The following CA5A variants were observed in gnomAD, a reference collection of about 807,000 sequenced individuals.
CA5A encodes the protein carbonic anhydrase 5A, mitochondrial.
CA5A carries 28 observed loss-of-function variants against 37.1 expected under a neutral mutation model. The observed-to-expected ratio is 0.75, with a 90% CI of 0.56 to 1.03. The LOEUF is 1.03. Among genes scored for constraint, CA5A ranks in the 50% least tolerant of loss-of-function variants. The pLI, the probability that CA5A is intolerant of heterozygous loss-of-function variation, is 0.00. For synonymous variants in CA5A, 171 were observed against 158.4 expected (o/e 1.08, Z -0.60); for missense variants, 444 against 399.9 (o/e 1.11, Z -0.94).
chr16:87,923,565 CT>C (rs1215566110), intron 2 of CA5A: 2 of 985,424 alleles, frequency 2.0e-6, no homozygotes, highest in African/African-American at 3.5e-5. Flanking sequence ...CTGGGGCCCC[CT>C]GTTCCCCACT....
chr16:87,929,696 C>A (rs1176083026), intron 1 of CA5A, among the ~76,000 whole-genome samples: 4 of 151,588 alleles, frequency 2.6e-5, no homozygotes, highest in South Asian at 2.1e-4. Context: ...CACCGTGAAA[C>A]CCGGTCTCTA....
At chr16:87,903,781 T>G (rs113980358) in intron 3 of CA5A, among the ~76,000 whole-genome samples, 1,636 of 152,148 alleles carry the variant, frequency 0.011, 29 homozygotes, top group African/African-American at 0.038. Context: ...CATCAAAAAG[T>G]TAGGTGAGTG....
At chr16:87,890,336 C>T (rs2055695133) in intron 6 of CA5A, among the ~76,000 whole-genome samples, 1 of 152,172 alleles carries the variant, frequency 6.6e-6, no homozygotes, top group South Asian at 2.1e-4. Context: ...AAGGGCCTTG[C>T]TGACAAGGGG....
At position 87,888,239 on chromosome 16, in the gene CA5A, G is replaced by A. The variant is rs1214949213; in HGVS notation, c.808C>T (p.Leu270Phe). Residue 270 changes from leucine (L) to phenylalanine (F), a missense_variant, in exon 7 of 7, where the codon CTT becomes TTT. By Grantham distance (22) the Leu-to-Phe change is conservative (BLOSUM62 0). Coordinates refer to ENST00000649794, the MANE Select transcript of CA5A (RefSeq NM_001739.2). ...SAFRTLLFSA[L>F]GEEEKMMVNN... The stretch of plus-strand genomic sequence containing the variant: ...ACCATCATCTTCTCCTCTTCACCAA[G>A]TGCAGAAAACAGGAGAGTACGAAAT... The A allele has an allele frequency of 3.7e-6, 6 of 1,613,768 alleles. No individual in the cohort carries two copies. The highest frequency in any genetic ancestry group is 3.3e-5 in the South Asian group (3 of 91,068).
rs747371774 is a variant in CA5A, at chr16:87,891,930, A to T, written c.643T>A (p.Phe215Ile). 9.0e-6 allele frequency: 14 copies of T among 1,556,998 alleles called. No homozygotes were observed. Among genetic ancestry groups the T allele is most frequent in the Middle Eastern group, 1.8e-4 (1 of 5,632 alleles). Residue 215 changes from phenylalanine to isoleucine, a missense_variant, in exon 6 of 7, where the codon TTC (phenylalanine) becomes ATC (isoleucine). By Grantham distance (21) the Phe-to-Ile change is conservative. Transcript: ENST00000649794. ...GTGGGCAGCAGAGTGGAGGGGTCGAAGGGGCGCATGGCCGCCCGCGCGTCC... is the reference window on the plus strand; with the variant it reads ...GTGGGCAGCAGAGTGGAGGGGTCGATGGGGCGCATGGCCGCCCGCGCGTCC... ...HKDARAAMRP[F>I]DPSTLLPTCW...
intron 2 of CA5A, among the ~76,000 whole-genome samples, chr16:87,905,677 A>G (rs577995717): frequency 2.6e-5 from 4 of 152,356 alleles, no homozygotes; most frequent in African/African-American, 7.2e-5. Context: ...TCTTTAAATA[A>G]GAAGACCCTG....
intron 5 of CA5A, among the ~76,000 whole-genome samples, chr16:87,901,690 C>T (rs1257535987): frequency 2.6e-5 from 4 of 151,686 alleles, no homozygotes; most frequent in South Asian, 2.1e-4. Flanking sequence ...TGGGTTCAAA[C>T]GATTCTCCTG....
intron 5 of CA5A, among the ~76,000 whole-genome samples, chr16:87,900,701 C>T (rs540074242): frequency 1.3e-5 from 2 of 152,252 alleles, no homozygotes; most frequent in African/African-American, 2.4e-5. Flanking sequence ...GCCTATGGAT[C>T]GCTGGGCGGA....
rs1324970453 is a variant in CA5A at position 87,936,318 on chromosome 16, T to C, written c.133A>G (p.Asn45Asp). The C allele has an allele frequency of 6.2e-7, 1 of 1,613,018 alleles. No individual in the cohort carries two copies. Among genetic ancestry groups the C allele is most frequent in the Non-Finnish European group, 8.5e-7 (1 of 1,179,030 alleles). Residue 45 changes from asparagine (N) to aspartate (D), a missense_variant, in exon 1 of 7, where the codon AAT becomes GAT. Physicochemically the swap from Asn to Asp is conservative, Grantham distance 23. Coordinates refer to ENST00000649794, the MANE Select transcript of CA5A (RefSeq NM_001739.2). ...SQRSCAWQTS[N>D]NTLHPLWTVP... Reference sequence around the variant, plus strand: ...TTGAGGCTCTACTTACAAGTGTTATTGCTGGTTTGCCATGCACAGGAACGC... The same window carrying C: ...TTGAGGCTCTACTTACAAGTGTTATCGCTGGTTTGCCATGCACAGGAACGC...
At chr16:87,912,744 G>A (rs531386970) in intron 2 of CA5A, among the ~76,000 whole-genome samples, 13 of 152,340 alleles carry the variant, frequency 8.5e-5, no homozygotes, top group African/African-American at 2.2e-4. Flanking sequence ...CCGTGGAAGC[G>A]GCGTTTCAGT....
At chr16:87,883,891 C>G (rs1431223292), downstream of CA5A, 2 of 150,810 alleles carry the variant, frequency 1.3e-5, no homozygotes, top group Admixed American at 6.7e-5. Context: ...ATCTGCCCAC[C>G]TCAGCCTCCC....
At chr16:87,920,527 C>G (rs930498326) in intron 2 of CA5A, among the ~76,000 whole-genome samples, 2 of 152,078 alleles carry the variant, frequency 1.3e-5, no homozygotes, top group Admixed American at 1.3e-4. Flanking sequence ...CCAGGCTGGT[C>G]TGGAACTCCT....
chr16:87,902,913 CA>C (rs111457269), intron 3 of CA5A, among the ~76,000 whole-genome samples: 19,417 of 113,470 alleles, frequency 0.17, 1,771 homozygotes, highest in African/African-American at 0.32. Context: ...CTCCATCTCA[CA>C]AAAAAAAAAA....
intron 2 of CA5A, among the ~76,000 whole-genome samples, chr16:87,908,947 C>A (rs1157627448): frequency 2.0e-5 from 3 of 151,932 alleles, no homozygotes; most frequent in African/African-American, 7.3e-5. Flanking sequence ...CCTCAGCCTC[C>A]CAAGTAGCTG....
At chr16:87,892,040 G>A (rs2055724564) in intron 5 of CA5A, 86 bp from the exon 6 acceptor site, 13 of 1,267,388 alleles carry the variant, frequency 1.0e-5, no homozygotes, top group South Asian at 3.2e-5. Context: ...GGCCTTCATG[G>A]TGCTTGGAAG....
At chr16:87,900,556 T>C (rs570970787) in intron 5 of CA5A, among the ~76,000 whole-genome samples, 113 of 152,364 alleles carry the variant, frequency 7.4e-4, no homozygotes, top group African/African-American at 2.6e-3. Flanking sequence ...GGAATTCTTT[T>C]GTATGCTGCT....
At chr16:87,921,319 G>C (rs2056226444) in intron 2 of CA5A, among the ~76,000 whole-genome samples, 1 of 152,240 alleles carries the variant, frequency 6.6e-6, no homozygotes, top group South Asian at 2.1e-4. Context: ...TACAGGGGTT[G>C]ACTTGGCTTC....
chr16:87,895,418 G>C (rs1441613967), intron 5 of CA5A, among the ~76,000 whole-genome samples: 1 of 152,190 alleles, frequency 6.6e-6, no homozygotes, highest in Non-Finnish European at 1.5e-5. Flanking sequence ...GGTGGCGCAT[G>C]CCTGTAATCC....
rs111899438 is a variant in CA5A at position 87,908,778 on chromosome 16, C to T, written c.341-3874G>A. ...GGCATCTCTTCATCCTTCCCGACCC[C>T]GAGCTGTCCCAGAATTCTTCTTCTC... is the stretch of plus-strand genomic sequence containing the variant. On this transcript the variant is annotated intron_variant, in intron 2 of 6. Coordinates refer to ENST00000649794, the MANE Select transcript of CA5A (RefSeq NM_001739.2). Among the ~76,000 whole-genome samples the T allele has an allele frequency of 6.3e-3, 954 of 152,192 alleles. 9 individuals are homozygous for T. Among genetic ancestry groups the T allele is most frequent in the Non-Finnish European group, 7.4e-3 (503 of 68,014 alleles).
Sources: gnomAD v4.1 joint callset for allele counts (sites outside exome capture counted in the v4.1 genomes callset) on GRCh38, gnomAD v4.1.1 for gene constraint, MANE v1.5 for transcripts, NCBI Gene and HGNC (gene_info 2026-07-23, HGNC 2026-07-21) for gene names.